CTNNA2: variants seen among roughly 807,000 people sequenced by gnomAD.
CTNNA2 encodes the protein catenin alpha 2.
In CTNNA2, 42 loss-of-function variants were observed where a neutral mutation model predicts 101.0. The ratio of observed to expected loss-of-function variants is 0.42; its 90% CI spans 0.32 to 0.54. CTNNA2 has a LOEUF of 0.54. CTNNA2 is among the 20% of genes least tolerant of loss of function. The probability of loss-of-function intolerance (pLI) is 0.14; values close to 1 mark genes in which losing one functional copy is unlikely to be tolerated. For missense variants in CTNNA2, 871 were observed against 1,223.1 expected (o/e 0.71, Z 4.29); for synonymous variants, 450 against 456.4 (o/e 0.99, Z 0.18).
intron 7 of CTNNA2, among the ~76,000 whole-genome samples, chr2:80,024,766 T>C (rs1189308476): frequency 3.3e-5 from 5 of 152,208 alleles, no homozygotes; most frequent in Admixed American, 6.5e-5. Context: ...TCAGTGCTCC[T>C]TTAGCATTCG....
intron 2 of CTNNA2, among the ~76,000 whole-genome samples, chr2:79,701,646 A>T (rs1685008161): frequency 6.6e-6 from 1 of 152,190 alleles, no homozygotes; most frequent in Non-Finnish European, 1.5e-5. Flanking sequence ...GTCATGAGGG[A>T]GACCGGAAGG....
rs370303041 is a variant in CTNNA2 at position 79,981,857 on chromosome 2, G to A, written c.1056+72060G>A. On this transcript the variant is annotated intron_variant, in intron 7 of 18. Coordinates refer to ENST00000402739, the MANE Select transcript of CTNNA2 (RefSeq NM_001282597.3). The stretch of plus-strand genomic sequence containing the variant: ...AATAGGAAAAAAAAGTATAAATCCT[G>A]GCAAACTTTGATTTAAACCTGGATC... Among the ~76,000 whole-genome samples, 23 of 151,908 alleles carry A rather than the reference G, an allele frequency of 1.5e-4. No individual in the cohort carries two copies. In the East Asian group the frequency reaches 3.5e-3, roughly 23 times the overall value.
At chr2:80,412,755 G>A (rs1339192992) in intron 8 of CTNNA2, among the ~76,000 whole-genome samples, 2 of 151,978 alleles carry the variant, frequency 1.3e-5, no homozygotes, top group Non-Finnish European at 2.9e-5. Context: ...ATGGATCTAG[G>A]ATGGTCTTGA....
intron 4 of CTNNA2, among the ~76,000 whole-genome samples, chr2:79,402,391 C>T (rs546380942): frequency 1.1e-4 from 17 of 151,930 alleles, no homozygotes; most frequent in Non-Finnish European, 2.5e-4. Flanking sequence ...GGGGATGTGT[C>T]TCAAGACTCC....
chr2:79,984,866 G>A (rs2103857686), intron 7 of CTNNA2, among the ~76,000 whole-genome samples: 1 of 152,072 alleles, frequency 6.6e-6, no homozygotes, highest in African/African-American at 2.4e-5. Context: ...AAAATCCTAG[G>A]AGGTTTCCCA....
At chr2:79,364,552 TTAAAC>T (rs1170395340) in intron 3 of CTNNA2, among the ~76,000 whole-genome samples, 1 of 152,216 alleles carries the variant, frequency 6.6e-6, no homozygotes, top group African/African-American at 2.4e-5. Flanking sequence ...GAATAATACA[TTAAAC>T]AAAACCAGCA....
intron 7 of CTNNA2, among the ~76,000 whole-genome samples, chr2:80,064,439 C>T (rs906096816): frequency 1.3e-5 from 2 of 152,190 alleles, no homozygotes; most frequent in Admixed American, 1.3e-4. Flanking sequence ...GTACTTTATG[C>T]TCAAACAACA....
chr2:79,552,106 C>T (rs1428544927), intron 1 of CTNNA2, among the ~76,000 whole-genome samples: 1 of 152,118 alleles, frequency 6.6e-6, no homozygotes, highest in Non-Finnish European at 1.5e-5. Context: ...AGGCAAATCC[C>T]TTCTGCCTAT....
chr2:79,749,330 T>G (rs1294333085), intron 3 of CTNNA2, among the ~76,000 whole-genome samples: 1 of 152,128 alleles, frequency 6.6e-6, no homozygotes, highest in Non-Finnish European at 1.5e-5. Context: ...TACAGTAGGC[T>G]TATGATAGCA....
intron 14 of CTNNA2, among the ~76,000 whole-genome samples, chr2:80,588,959 C>G (rs1323428559): frequency 6.6e-6 from 1 of 152,130 alleles, no homozygotes; most frequent in Non-Finnish European, 1.5e-5. Flanking sequence ...ATTCTTTCAT[C>G]TGGTAAAAGT....
At chr2:79,565,049 G>C (rs1675020606) in intron 1 of CTNNA2, among the ~76,000 whole-genome samples, 1 of 152,104 alleles carries the variant, frequency 6.6e-6, no homozygotes. Flanking sequence ...TTTTTGGGCA[G>C]TTGGGGAGAG....
intron 3 of CTNNA2, among the ~76,000 whole-genome samples, chr2:79,815,800 A>T (rs529498368): frequency 6.6e-6 from 1 of 151,538 alleles, no homozygotes; most frequent in South Asian, 2.1e-4. Context: ...GGGAAGAATG[A>T]TGGTGGTATT....
chr2:79,819,130 C>T (rs1677809629), intron 3 of CTNNA2, among the ~76,000 whole-genome samples: 1 of 151,934 alleles, frequency 6.6e-6, no homozygotes, highest in South Asian at 2.1e-4. Flanking sequence ...CAGGCATGCG[C>T]CACCACGCCC....
intron 8 of CTNNA2, among the ~76,000 whole-genome samples, chr2:80,418,402 T>C (rs1160844117): frequency 2.0e-5 from 3 of 152,192 alleles, no homozygotes; most frequent in Middle Eastern, 3.2e-3. Context: ...TTAATACACT[T>C]TGTCAAATGA....
chr2:80,042,989 T>G (rs1290565881), intron 7 of CTNNA2, among the ~76,000 whole-genome samples: 5 of 151,270 alleles, frequency 3.3e-5, no homozygotes, highest in Non-Finnish European at 7.4e-5. Context: ...TCCCTTCCTT[T>G]CCTTTCCTTC....
chr2:80,257,709 T>C (rs1425342670), intron 7 of CTNNA2, among the ~76,000 whole-genome samples: 5 of 152,200 alleles, frequency 3.3e-5, no homozygotes, highest in Admixed American at 3.3e-4. Flanking sequence ...TATTTTCTCC[T>C]CAAGCACTCG....
intron 3 of CTNNA2, among the ~76,000 whole-genome samples, chr2:79,343,046 T>C (rs1043257261): frequency 2.0e-5 from 3 of 152,222 alleles, no homozygotes; most frequent in African/African-American, 7.2e-5. Context: ...GAATTTATCC[T>C]GGGAAAATAA....
intron 7 of CTNNA2, among the ~76,000 whole-genome samples, chr2:79,968,227 A>G (rs1425084475): frequency 6.6e-6 from 1 of 152,030 alleles, no homozygotes; most frequent in Non-Finnish European, 1.5e-5. Flanking sequence ...AAAAAAACAG[A>G]GCTCATTTAT....
At chr2:80,407,199 G>C (rs1679150111) in intron 8 of CTNNA2, among the ~76,000 whole-genome samples, 1 of 152,118 alleles carries the variant, frequency 6.6e-6, no homozygotes, top group Non-Finnish European at 1.5e-5. Flanking sequence ...AACAAAAGTC[G>C]TTTGGTCAAA....
Sources: gnomAD v4.1 joint callset for allele counts (sites outside exome capture counted in the v4.1 genomes callset) on GRCh38, gnomAD v4.1.1 for gene constraint, MANE v1.5 for transcripts, NCBI Gene and HGNC (gene_info 2026-07-23, HGNC 2026-07-21) for gene names.